The following UNC13C variants were observed in gnomAD, a reference collection of about 807,000 sequenced individuals.
UNC13C encodes unc-13 homolog C.
A neutral mutation model predicts 245.4 loss-of-function variants in UNC13C; 174 were observed. That is an observed-to-expected ratio of 0.71 (90% confidence interval 0.63 to 0.80). UNC13C has a LOEUF of 0.80. Ranked by LOEUF, UNC13C falls within the 30% of genes least tolerant of loss-of-function variation. The pLI is 0.00. For synonymous variants in UNC13C, 992 were observed against 895.1 expected (o/e 1.11, Z -1.93); for missense variants, 2,829 against 2,602.9 (o/e 1.09, Z -1.89).
At chr15:54,391,551 G>A (rs1236122466) in intron 17 of UNC13C, among the ~76,000 whole-genome samples, 1 of 151,956 alleles carries the variant, frequency 6.6e-6, no homozygotes, top group East Asian at 1.9e-4. Flanking sequence ...AGCTTGCCAA[G>A]AACTTTCAAG....
intron 4 of UNC13C, among the ~76,000 whole-genome samples, chr15:54,164,286 T>A (rs2033085299): frequency 6.6e-6 from 1 of 152,190 alleles, no homozygotes. Flanking sequence ...CACTTTAAAA[T>A]ATGTTTATGC....
At chr15:54,411,217 G>C (rs186852817) in intron 18 of UNC13C, among the ~76,000 whole-genome samples, 2 of 151,948 alleles carry the variant, frequency 1.3e-5, no homozygotes, top group African/African-American at 2.4e-5. Context: ...TGAGATTTTA[G>C]TGTAATGTAT....
chr15:54,557,340 T>C (rs1897133129), intron 29 of UNC13C, among the ~76,000 whole-genome samples: 2 of 151,910 alleles, frequency 1.3e-5, no homozygotes, highest in Non-Finnish European at 2.9e-5. Flanking sequence ...TATTAGACTC[T>C]CTTGACCCTG....
intron 24 of UNC13C, among the ~76,000 whole-genome samples, chr15:54,524,870 G>A (rs928140941): frequency 9.2e-5 from 14 of 152,230 alleles, no homozygotes; most frequent in Non-Finnish European, 1.5e-4. Context: ...AAAGAGTCAC[G>A]TTCCAATTTC....
chr15:53,855,527 C>T, the UNC13C span, among the ~76,000 whole-genome samples: 1 of 152,036 alleles, frequency 6.6e-6, no homozygotes, highest in African/African-American at 2.4e-5. Flanking sequence ...TTTATCAAAG[C>T]CCTCTTCTGC....
At chr15:53,870,318 A>T in the UNC13C span, among the ~76,000 whole-genome samples, 1 of 152,286 alleles carries the variant, frequency 6.6e-6, no homozygotes, top group Non-Finnish European at 1.5e-5. Flanking sequence ...ATATTAACAT[A>T]TATCAAGTAT....
chr15:54,122,335 C>A (rs2030725752), intron 2 of UNC13C, among the ~76,000 whole-genome samples: 1 of 151,728 alleles, frequency 6.6e-6, no homozygotes, highest in Non-Finnish European at 1.5e-5. Flanking sequence ...TGTTTTGGTT[C>A]TTTAGTTAGT....
chr15:54,234,785 G>T (rs1396314180), intron 4 of UNC13C, among the ~76,000 whole-genome samples: 2 of 152,126 alleles, frequency 1.3e-5, no homozygotes, highest in African/African-American at 4.8e-5. Context: ...GTCCATCCAG[G>T]CCATGTATAT....
chr15:54,262,402 C>T (rs11071065), intron 8 of UNC13C, among the ~76,000 whole-genome samples: 85,321 of 152,012 alleles, frequency 0.56, 25,604 homozygotes, highest in African/African-American at 0.78. Context: ...TTGTGTCTTG[C>T]AGGGAACATT....
intron 10 of UNC13C, among the ~76,000 whole-genome samples, chr15:54,291,363 A>T (rs1273082611): frequency 6.6e-6 from 1 of 152,020 alleles, no homozygotes; most frequent in Non-Finnish European, 1.5e-5. Flanking sequence ...TACTAATAAA[A>T]TAGCTCAAAC....
chr15:54,265,718 C>CA (rs1426010146), intron 10 of UNC13C, among the ~76,000 whole-genome samples: 5 of 151,624 alleles, frequency 3.3e-5, no homozygotes, highest in Non-Finnish European at 7.4e-5. Flanking sequence ...TACTTCAAAT[C>CA]AAAAAAAGAT....
chr15:54,399,822 A>G (rs1221805088), intron 18 of UNC13C, among the ~76,000 whole-genome samples: 1 of 151,924 alleles, frequency 6.6e-6, no homozygotes, highest in Non-Finnish European at 1.5e-5. Flanking sequence ...AGCGACTTTG[A>G]TCAGGGATTT....
At chr15:54,621,434 G>A (rs1365650512) in intron 30 of UNC13C, among the ~76,000 whole-genome samples, 1 of 151,988 alleles carries the variant, frequency 6.6e-6, no homozygotes, top group African/African-American at 2.4e-5. Flanking sequence ...TTCATATAAT[G>A]GATTAAATGT....
chr15:54,057,760 T>C (rs1354659110), intron 2 of UNC13C, among the ~76,000 whole-genome samples: 1 of 152,140 alleles, frequency 6.6e-6, no homozygotes, highest in Non-Finnish European at 1.5e-5. Flanking sequence ...TAACAAACTG[T>C]CTCTCAGACC....
chr15:54,472,569 G>A (rs1420409541), intron 19 of UNC13C, among the ~76,000 whole-genome samples: 1 of 151,686 alleles, frequency 6.6e-6, no homozygotes, highest in Non-Finnish European at 1.5e-5. Context: ...AGATGTACCA[G>A]TGATAAACTA....
chr15:53,898,893 C>T, the UNC13C span, among the ~76,000 whole-genome samples: 1 of 152,108 alleles, frequency 6.6e-6, no homozygotes, highest in South Asian at 2.1e-4. Flanking sequence ...AGTCCCAGAA[C>T]TCATTCATCT....
the UNC13C span, among the ~76,000 whole-genome samples, chr15:53,902,727 T>C: frequency 6.6e-6 from 1 of 152,162 alleles, no homozygotes; most frequent in Non-Finnish European, 1.5e-5. Flanking sequence ...TAGAAGCCAA[T>C]ACAGAAACAG....
At chr15:54,329,247 G>A (rs1387818973) in intron 14 of UNC13C, among the ~76,000 whole-genome samples, 1 of 151,574 alleles carries the variant, frequency 6.6e-6, no homozygotes, top group Non-Finnish European at 1.5e-5. Context: ...CTGGAATATC[G>A]ATCATCTCAA....
chr15:54,616,151 C>A (rs1292175629), intron 30 of UNC13C, among the ~76,000 whole-genome samples: 1 of 152,058 alleles, frequency 6.6e-6, no homozygotes, highest in East Asian at 1.9e-4. Flanking sequence ...CAACACACTT[C>A]AGCAAACTGT....
Sources: gnomAD v4.1 joint callset for allele counts (sites outside exome capture counted in the v4.1 genomes callset) on GRCh38, gnomAD v4.1.1 for gene constraint, MANE v1.5 for transcripts, NCBI Gene and HGNC (gene_info 2026-07-23, HGNC 2026-07-21) for gene names.